The following DSN1 variants were observed in gnomAD, a reference collection of about 807,000 sequenced individuals.
DSN1 encodes the protein kinetochore-associated protein DSN1 homolog.
Under a neutral mutation model 45.7 loss-of-function variants are expected in DSN1, and 31 were observed. The ratio of observed to expected loss-of-function variants is 0.68; its 90% CI spans 0.51 to 0.92. The LOEUF is 0.92. Among genes scored for constraint, DSN1 ranks in the 40% least tolerant of loss-of-function variants. The pLI, the probability that DSN1 is intolerant of heterozygous loss-of-function variation, is 0.00. For missense variants in DSN1, 394 were observed against 414.2 expected (o/e 0.95, Z 0.42); for synonymous variants, 134 against 142.3 (o/e 0.94, Z 0.41).
At chr20:36,763,885 CAAAAAAAAAAAA>C (rs148628979) in intron 5 of DSN1, among the ~76,000 whole-genome samples, 9 of 37,464 alleles carry the variant, frequency 2.4e-4, no homozygotes, top group South Asian at 2.0e-3. Context: ...AACTCTGTCT[CAAAAAAAAAAAA>C]AAAAAAAAAA....
chr20:36,758,163 TG>T lies in DSN1; in HGVS notation c.651-3del. The T allele has an allele frequency of 6.2e-7, 1 of 1,613,590 alleles. No homozygotes were observed. Among genetic ancestry groups the T allele is most frequent in the South Asian group, 1.1e-5 (1 of 90,988 alleles). ...CAAGTCTGACGTTCTAAAGAAAACC[TG>T]TAAGAATCAGGAAAAAAAGTTCAGT... On this transcript the variant is annotated splice_polypyrimidine_tract_variant and splice_region_variant and intron_variant, in intron 7 of 10. Coordinates refer to ENST00000373750, the MANE Select transcript of DSN1 (RefSeq NM_001145315.2).
At chr20:36,761,426 G>C (rs1190729998) in intron 6 of DSN1, among the ~76,000 whole-genome samples, 2 of 152,166 alleles carry the variant, frequency 1.3e-5, no homozygotes, top group Non-Finnish European at 2.9e-5. Context: ...GCATCTAAAA[G>C]AGCCTGGTAC....
intron 3 of DSN1, among the ~76,000 whole-genome samples, chr20:36,768,708 C>T (rs760993634): frequency 3.3e-5 from 5 of 152,096 alleles, no homozygotes; most frequent in Non-Finnish European, 5.9e-5. Flanking sequence ...ACAGGCACTG[C>T]AATGTGCTTT....
chr20:36,759,405 A>G (rs1362610951), intron 6 of DSN1, among the ~76,000 whole-genome samples: 1 of 152,190 alleles, frequency 6.6e-6, no homozygotes, highest in Non-Finnish European at 1.5e-5. Flanking sequence ...GGGAGCCACC[A>G]TGCCCAGAAT....
chr20:36,753,260 A>G (rs1214900797), intron 10 of DSN1, among the ~76,000 whole-genome samples: 1 of 151,146 alleles, frequency 6.6e-6, no homozygotes, highest in East Asian at 1.9e-4. Context: ...ATCACCTGGG[A>G]GCCCAGAAAG....
chr20:36,754,646 A>G, intron 10 of DSN1, 117 bp downstream of exon 10: 1 of 704,150 alleles, frequency 1.4e-6, no homozygotes, highest in Non-Finnish European at 2.4e-6. Context: ...GGAGAAAAAC[A>G]AATCACCTCA....
intron 6 of DSN1, among the ~76,000 whole-genome samples, chr20:36,759,628 C>T (rs565667165): frequency 2.6e-5 from 4 of 151,738 alleles, no homozygotes; most frequent in East Asian, 2.0e-4. Flanking sequence ...GGACTACAGG[C>T]GCCCGCCACC....
At chr20:36,772,226 C>T (rs888269367) in intron 1 of DSN1, among the ~76,000 whole-genome samples, 3 of 152,040 alleles carry the variant, frequency 2.0e-5, no homozygotes, top group African/African-American at 7.2e-5. Flanking sequence ...TGGTCCCTCC[C>T]ACTATCTTAA....
chr20:36,752,517 GAT>G lies in DSN1; in HGVS notation c.*269_*270del, dbSNP rs1986430749. 1 of 347,936 alleles carries G rather than the reference GAT, an allele frequency of 2.9e-6. No individual in the cohort carries two copies. The highest frequency in any genetic ancestry group is 5.2e-6 in the Non-Finnish European group (1 of 192,298). 21.6% of individuals were successfully genotyped at this position (347,936 alleles called of 1,614,324 possible). On this transcript the variant is annotated 3_prime_UTR_variant, in exon 11 of 11. Transcript: ENST00000373750. ...CTGAAAAACACCTTCACAGGATAAA[GAT>G]AAAAGAATGGGCCACTGGATCTGAA...
intron 1 of DSN1, 66 bp from the exon 2 acceptor site, chr20:36,771,539 A>G: frequency 6.7e-7 from 1 of 1,486,350 alleles, no homozygotes; most frequent in South Asian, 1.2e-5. Flanking sequence ...GGGGCTTTAC[A>G]GCCCCAGAAT....
At chr20:36,768,121 C>G in intron 3 of DSN1, 79 bp from the exon 4 acceptor site, 4 of 1,406,586 alleles carry the variant, frequency 2.8e-6, no homozygotes, top group Non-Finnish European at 4.0e-6. Context: ...AATGTCCTCC[C>G]TCTTGATAAA....
At chr20:36,768,098 A>G in intron 3 of DSN1, 56 bp from the exon 4 acceptor site, 2 of 1,549,810 alleles carry the variant, frequency 1.3e-6, no homozygotes, top group Non-Finnish European at 1.8e-6. Context: ...GTTAGCAACT[A>G]ACAAAACTGA....
chr20:36,765,876 C>T (rs1324556773), intron 5 of DSN1, among the ~76,000 whole-genome samples: 1 of 144,152 alleles, frequency 6.9e-6, no homozygotes, highest in East Asian at 2.0e-4. Flanking sequence ...AAAAACAACA[C>T]TTAAAGCCTA....
intron 9 of DSN1, 32 bp from the exon 10 acceptor site, chr20:36,754,882 G>C (rs371737366): frequency 6.3e-7 from 1 of 1,582,514 alleles, no homozygotes; most frequent in Non-Finnish European, 8.7e-7. Context: ...GAGCTGTAAA[G>C]GTCCATGGCT....
intron 3 of DSN1, among the ~76,000 whole-genome samples, chr20:36,768,312 G>A (rs890133651): frequency 2.6e-5 from 4 of 152,138 alleles, no homozygotes; most frequent in African/African-American, 9.7e-5. Context: ...CTGGGGCCGA[G>A]GCATGGGATC....
chr20:36,755,870 T>C (rs1986645105), intron 8 of DSN1, 41 bp from the exon 9 acceptor site: 1 of 1,589,550 alleles, frequency 6.3e-7, no homozygotes, highest in Non-Finnish European at 8.6e-7. Context: ...ATTCTGTAAT[T>C]ATTTTCTGGA....
rs756673523 is a variant in DSN1 at position 36,758,593 on chromosome 20, T to G, written c.615A>C (p.Glu205Asp). ...ATTCCTTCATCTCAGCCACAGATGC[T>G]TCCAAAGAAAAATCTGATGCTTTTC... ...SNGKASDFSL[E>D]ASVAEMKEYI... The change falls in exon 7 of 11, where the codon GAA (glutamate) becomes GAC (aspartate). Residue 205 changes from glutamate to aspartate, a missense_variant. By Grantham distance (45) the Glu-to-Asp change is conservative (BLOSUM62 2). Coordinates refer to ENST00000373750, the MANE Select transcript of DSN1 (RefSeq NM_001145315.2). 7 of 1,611,656 alleles carry G rather than the reference T, an allele frequency of 4.3e-6. No homozygotes were observed. In the South Asian group the frequency reaches 7.7e-5, roughly 18 times the overall value.
At chr20:36,773,454 G>C (rs1168682351) in intron 1 of DSN1, 2 of 985,460 alleles carry the variant, frequency 2.0e-6, no homozygotes, top group Admixed American at 1.2e-4. Flanking sequence ...GGTCGGTAAG[G>C]GGGACTGCCC....
At chr20:36,769,829 T>C (rs1601025918) in intron 3 of DSN1, among the ~76,000 whole-genome samples, 1 of 151,916 alleles carries the variant, frequency 6.6e-6, no homozygotes, top group East Asian at 1.9e-4. Context: ...ATATAGTTAC[T>C]ATTGTAAATT....
Sources: gnomAD v4.1 joint callset for allele counts (sites outside exome capture counted in the v4.1 genomes callset) on GRCh38, gnomAD v4.1.1 for gene constraint, MANE v1.5 for transcripts, NCBI Gene and HGNC (gene_info 2026-07-23, HGNC 2026-07-21) for gene names.